Variants in BNC2 observed in about 807,000 individuals in gnomAD.
The protein encoded by BNC2 is basonuclin zinc finger protein 2, also known as zinc finger protein basonuclin-2.
Under a neutral mutation model 76.3 loss-of-function variants are expected in BNC2, and 20 were observed. The ratio of observed to expected loss-of-function variants is 0.26; its 90% CI spans 0.18 to 0.38. BNC2 has a LOEUF of 0.38. BNC2 is among the 10% of genes least tolerant of loss of function. The probability of loss-of-function intolerance (pLI) is 1.00; values close to 1 mark genes in which losing one functional copy is unlikely to be tolerated. For missense variants in BNC2, 1,382 were observed against 1,399.8 expected (o/e 0.99, Z 0.20); for synonymous variants, 582 against 514.8 (o/e 1.13, Z -1.77).
intron 4 of BNC2, among the ~76,000 whole-genome samples, chr9:16,558,990 T>C (rs1266956062): frequency 6.6e-6 from 1 of 151,078 alleles, no homozygotes; most frequent in African/African-American, 2.4e-5. Context: ...ACTAAAAGTA[T>C]GTTAGTTCCA....
At chr9:16,511,819 T>C (rs1285969221) in intron 5 of BNC2, among the ~76,000 whole-genome samples, 1 of 152,164 alleles carries the variant, frequency 6.6e-6, no homozygotes, top group Non-Finnish European at 1.5e-5. Context: ...TCATGTATCA[T>C]AGAAGTAATA....
chr9:16,624,777 G>A (rs1820948320), intron 3 of BNC2, among the ~76,000 whole-genome samples: 1 of 152,170 alleles, frequency 6.6e-6, no homozygotes. Flanking sequence ...GTTTATCGGA[G>A]CATTTAAGGT....
rs567836662 is a variant in BNC2 at position 16,541,350 on chromosome 9, G to C, written c.669+11180C>G. 2.8e-4 allele frequency among the ~76,000 whole-genome samples: 42 copies of C among 152,308 alleles called. 1 individual carries two copies. In the South Asian group the frequency reaches 8.5e-3, roughly 31 times the overall value. ...TCCCTGGCTCAGCTATTATGAATTGGAACCCTGATTCAGAATTGAAAAGCT... is the reference window on the plus strand; with the variant it reads ...TCCCTGGCTCAGCTATTATGAATTGCAACCCTGATTCAGAATTGAAAAGCT... On this transcript the variant is annotated intron_variant, in intron 5 of 6. Transcript: ENST00000380672.
At chr9:16,452,023 T>TAGCTG (rs1431002613) in intron 5 of BNC2, among the ~76,000 whole-genome samples, 1 of 152,208 alleles carries the variant, frequency 6.6e-6, no homozygotes, top group East Asian at 1.9e-4. Flanking sequence ...GACAAGAATC[T>TAGCTG]AGCTGACCTG....
At chr9:16,596,828 A>T (rs1354819335) in intron 3 of BNC2, among the ~76,000 whole-genome samples, 2 of 152,148 alleles carry the variant, frequency 1.3e-5, no homozygotes, top group Non-Finnish European at 2.9e-5. Flanking sequence ...TAATTTTTTA[A>T]AAAATAAGCC....
intron 5 of BNC2, among the ~76,000 whole-genome samples, chr9:16,522,686 A>G (rs759116180): frequency 1.3e-5 from 2 of 152,204 alleles, no homozygotes; most frequent in African/African-American, 4.8e-5. Context: ...GATAAAGCAC[A>G]ACACTTATTC....
At chr9:16,637,240 A>C (rs1367901829) in intron 3 of BNC2, among the ~76,000 whole-genome samples, 1 of 152,188 alleles carries the variant, frequency 6.6e-6, no homozygotes, top group Non-Finnish European at 1.5e-5. Context: ...TAAAGAAATA[A>C]GACTCTTAAA....
Position 16,437,066 on chromosome 9 carries a change from A to G in BNC2, c.1128T>C (p.Tyr376=). The part of the protein sequence containing the change: ...SSESEVSPTP[Y]KNDQTPNRNA... ...TTCTATTGGGTGTTTGATCATTCTT[A>G]TAAGGTGTGGGAGAAACTTCGGATT... Residue 376 remains tyrosine, a synonymous_variant, in exon 6 of 7, where the codon TAT becomes TAC. Coordinates refer to ENST00000380672, the MANE Select transcript of BNC2 (RefSeq NM_017637.6). The G allele has an allele frequency of 1.2e-6, 2 of 1,614,042 alleles. No individual in the cohort carries two copies. The highest frequency in any genetic ancestry group is 1.7e-6 in the Non-Finnish European group (2 of 1,180,012).
chr9:16,439,006 T>G (rs1371950859), intron 5 of BNC2, among the ~76,000 whole-genome samples: 1 of 152,132 alleles, frequency 6.6e-6, no homozygotes, highest in Non-Finnish European at 1.5e-5. Flanking sequence ...GGGTGAGTCT[T>G]TCCCGTACTG....
intron 1 of BNC2, among the ~76,000 whole-genome samples, chr9:16,767,194 T>C (rs527954711): frequency 6.4e-4 from 97 of 152,306 alleles, no homozygotes; most frequent in African/African-American, 2.2e-3. Context: ...CTCCATATTA[T>C]AGACCAGAAG....
intron 5 of BNC2, among the ~76,000 whole-genome samples, chr9:16,444,382 T>G (rs972613881): frequency 1.1e-4 from 17 of 152,150 alleles, no homozygotes; most frequent in Non-Finnish European, 2.1e-4. Flanking sequence ...AGCAGGTATG[T>G]GCTATGCACA....
chr9:16,762,255 G>A (rs1210451733), intron 1 of BNC2, among the ~76,000 whole-genome samples: 5 of 152,170 alleles, frequency 3.3e-5, no homozygotes, highest in Admixed American at 1.3e-4. Context: ...AAGGGAGGAA[G>A]TATTTGAGAT....
At chr9:16,638,344 A>T (rs1821388571) in intron 3 of BNC2, among the ~76,000 whole-genome samples, 1 of 152,216 alleles carries the variant, frequency 6.6e-6, no homozygotes, top group Non-Finnish European at 1.5e-5. Flanking sequence ...AATGAAATTC[A>T]TCAATAGTAC....
intron 5 of BNC2, among the ~76,000 whole-genome samples, chr9:16,453,948 C>A (rs779794704): frequency 4.6e-5 from 7 of 152,330 alleles, no homozygotes; most frequent in Admixed American, 6.5e-5. Flanking sequence ...TGACACTGCA[C>A]CAGAACTAGA....
chr9:16,645,920 A>T (rs913153917), intron 3 of BNC2, among the ~76,000 whole-genome samples: 2 of 152,184 alleles, frequency 1.3e-5, no homozygotes, highest in Non-Finnish European at 2.9e-5. Flanking sequence ...TAAAACCTAC[A>T]GAGAAAAACA....
chr9:16,679,081 A>G (rs1164764923), intron 3 of BNC2, among the ~76,000 whole-genome samples: 1 of 152,178 alleles, frequency 6.6e-6, no homozygotes, highest in African/African-American at 2.4e-5. Context: ...CTATGTACAC[A>G]GAGCGAGGGC....
chr9:16,617,370 G>C (rs1193507485), intron 3 of BNC2, among the ~76,000 whole-genome samples: 2 of 152,060 alleles, frequency 1.3e-5, no homozygotes, highest in Non-Finnish European at 2.9e-5. Context: ...GATAAAGAAT[G>C]TATCACCCAA....
At chr9:16,645,981 C>CA (rs1295001527) in intron 3 of BNC2, among the ~76,000 whole-genome samples, 1 of 152,312 alleles carries the variant, frequency 6.6e-6, no homozygotes, top group Admixed American at 6.5e-5. Context: ...CGCTCAAAGA[C>CA]AAAGTTCCTT....
At chr9:16,573,277 T>C (rs1422063239) in intron 4 of BNC2, among the ~76,000 whole-genome samples, 2 of 150,120 alleles carry the variant, frequency 1.3e-5, no homozygotes, top group African/African-American at 4.9e-5. Context: ...CAAGCCAAGA[T>C]ACAGAATTTT....
Sources: gnomAD v4.1 joint callset for allele counts (sites outside exome capture counted in the v4.1 genomes callset) on GRCh38, gnomAD v4.1.1 for gene constraint, MANE v1.5 for transcripts, NCBI Gene and HGNC (gene_info 2026-07-23, HGNC 2026-07-21) for gene names.